The following KCNJ6 variants were observed in gnomAD, a reference collection of about 807,000 sequenced individuals.
KCNJ6 encodes potassium inwardly rectifying channel subfamily J member 6.
KCNJ6 carries 9 observed loss-of-function variants against 34.2 expected under a neutral mutation model. The observed-to-expected ratio is 0.26, with a 90% CI of 0.16 to 0.46. The LOEUF is 0.46. Ranked by LOEUF, KCNJ6 falls within the 20% of genes least tolerant of loss-of-function variation. KCNJ6 has a pLI of 1.00. For missense variants in KCNJ6, 236 were observed against 531.3 expected (o/e 0.44, Z 5.46); for synonymous variants, 196 against 207.1 (o/e 0.95, Z 0.46).
chr21:37,656,602 C>T lies in KCNJ6; in HGVS notation c.947-31118G>A, dbSNP rs1025355330. 2.0e-5 allele frequency among the ~76,000 whole-genome samples: 3 copies of T among 152,342 alleles called. No homozygotes were observed. In the Middle Eastern group the frequency reaches 0.01, roughly 518 times the overall value. On this transcript the variant is annotated intron_variant, in intron 3 of 3. Coordinates refer to ENST00000609713, the MANE Select transcript of KCNJ6 (RefSeq NM_002240.5). Reference sequence around the variant, plus strand: ...CTGCAGCCCTGCAGGGGTGGTGCAGCTGGAGCTGGAGCGGCTGGGGCTGGC... The same window carrying T: ...CTGCAGCCCTGCAGGGGTGGTGCAGTTGGAGCTGGAGCGGCTGGGGCTGGC...
rs1232975724 is a variant in KCNJ6, at chr21:37,677,770, G to GTCCATCCA, written c.946+36433_946+36440dup. Among the ~76,000 whole-genome samples the GTCCATCCA allele has an allele frequency of 2.7e-4, 2 of 7,358 alleles. 1 individual carries two copies. The highest frequency in any genetic ancestry group is 1.3e-3 in the African/African-American group (2 of 1,600). 4.8% of individuals were successfully genotyped at this position (7,358 alleles called of 152,430 possible). ...TACCCACCCACACACCAAACCATTT[G>GTCCATCCA]TCCATCCATCCATCCATCCACCCAC... On this transcript the variant is annotated intron_variant, in intron 3 of 3. Transcript: ENST00000609713.
intron 1 of KCNJ6, among the ~76,000 whole-genome samples, chr21:37,879,714 A>AGTGTAT: frequency 7.0e-6 from 1 of 143,288 alleles, no homozygotes; most frequent in South Asian, 2.3e-4. Context: ...CTTGAAATGA[A>AGTGTAT]GTGTGTGTGT....
chr21:37,790,469 A>C (rs1293548253), intron 2 of KCNJ6, among the ~76,000 whole-genome samples: 2 of 152,186 alleles, frequency 1.3e-5, no homozygotes, highest in African/African-American at 2.4e-5. Flanking sequence ...TAGTTCTCAA[A>C]ATAACCCTAT....
At chr21:37,853,861 T>TATATATATAA (rs940498600) in intron 1 of KCNJ6, among the ~76,000 whole-genome samples, 1 of 146,732 alleles carries the variant, frequency 6.8e-6, no homozygotes, top group Non-Finnish European at 1.5e-5. Flanking sequence ...TATATATATA[T>TATATATATAA]AAATTACATT....
intron 1 of KCNJ6, among the ~76,000 whole-genome samples, chr21:37,860,199 C>T (rs1052059489): frequency 1.2e-4 from 18 of 152,168 alleles, no homozygotes; most frequent in African/African-American, 4.1e-4. Flanking sequence ...TCCTATTTTA[C>T]ACCCAGGTAA....
chr21:37,902,931 A>G (rs766039854), intron 1 of KCNJ6, among the ~76,000 whole-genome samples: 6 of 152,192 alleles, frequency 3.9e-5, no homozygotes, highest in Non-Finnish European at 5.9e-5. Flanking sequence ...TTTTAAAACA[A>G]TGCCAGGGTG....
intron 2 of KCNJ6, among the ~76,000 whole-genome samples, chr21:37,722,966 C>T (rs887105190): frequency 1.1e-4 from 17 of 152,108 alleles, no homozygotes; most frequent in African/African-American, 4.1e-4. Context: ...AGCCTCTGTA[C>T]AGCAAAACAA....
intron 1 of KCNJ6, among the ~76,000 whole-genome samples, chr21:37,900,113 A>G (rs1237051896): frequency 1.3e-5 from 2 of 152,200 alleles, no homozygotes; most frequent in African/African-American, 4.8e-5. Flanking sequence ...TTGAAGGGCA[A>G]TTTAGTGAAA....
intron 2 of KCNJ6, among the ~76,000 whole-genome samples, chr21:37,763,749 T>C (rs1374425228): frequency 1.3e-5 from 2 of 152,182 alleles, no homozygotes; most frequent in African/African-American, 4.8e-5. Context: ...TTCCCACCTA[T>C]GAGTGAGAAC....
chr21:37,801,817 G>A (rs1005358), intron 2 of KCNJ6, among the ~76,000 whole-genome samples: 75,366 of 151,830 alleles, frequency 0.5, 19,129 homozygotes, highest in Middle Eastern at 0.55. Flanking sequence ...AAGGAAGATG[G>A]CATCAAACCA....
chr21:37,735,346 G>A (rs1056246216), intron 2 of KCNJ6, among the ~76,000 whole-genome samples: 1 of 152,164 alleles, frequency 6.6e-6, no homozygotes, highest in Non-Finnish European at 1.5e-5. Flanking sequence ...ACCACCCACG[G>A]CGCTTTCACC....
At chr21:37,692,134 A>G (rs1249170863) in intron 3 of KCNJ6, among the ~76,000 whole-genome samples, 7 of 152,286 alleles carry the variant, frequency 4.6e-5, no homozygotes, top group African/African-American at 1.7e-4. Flanking sequence ...GATGGGCGCA[A>G]CAAACCACCA....
At chr21:37,803,017 G>A (rs780045037) in intron 2 of KCNJ6, among the ~76,000 whole-genome samples, 3 of 152,186 alleles carry the variant, frequency 2.0e-5, no homozygotes, top group African/African-American at 4.8e-5. Flanking sequence ...AGGGCTTTCC[G>A]ACCTGGCATG....
chr21:37,865,433 G>A (rs1021617606), intron 1 of KCNJ6, among the ~76,000 whole-genome samples: 6 of 152,238 alleles, frequency 3.9e-5, no homozygotes, highest in East Asian at 1.9e-4. Flanking sequence ...ATGGGCAGGA[G>A]AGGAAAGGAA....
At chr21:37,810,138 CACACAA>C (rs972676812) in intron 2 of KCNJ6, among the ~76,000 whole-genome samples, 4 of 152,192 alleles carry the variant, frequency 2.6e-5, no homozygotes, top group African/African-American at 7.2e-5. Flanking sequence ...TGCACACACA[CACACAA>C]ACACACAAAA....
chr21:37,752,107 G>A lies in KCNJ6; in HGVS notation c.26-36976C>T, dbSNP rs183177408. Among the ~76,000 whole-genome samples, 18 of 152,326 alleles carry A rather than the reference G, an allele frequency of 1.2e-4. No homozygotes were observed. In the East Asian group the frequency reaches 3.5e-3, roughly 29 times the overall value. On this transcript the variant is annotated intron_variant, in intron 2 of 3. Transcript: ENST00000609713. ...TGATAGCTATGTCACCTAAAGAAGAGCCTTCAGGAATCTTGGATCTGTCGT... is the reference window on the plus strand; with the variant it reads ...TGATAGCTATGTCACCTAAAGAAGAACCTTCAGGAATCTTGGATCTGTCGT...
intron 2 of KCNJ6, among the ~76,000 whole-genome samples, chr21:37,727,345 A>C (rs749027278): frequency 3.9e-5 from 6 of 152,058 alleles, no homozygotes; most frequent in Non-Finnish European, 8.8e-5. Context: ...TCTAAGGCAG[A>C]TTGCAGTGGG....
chr21:37,621,978 T>C lies in KCNJ6; in HGVS notation c.*3181A>G, dbSNP rs962524122. 1.3e-5 allele frequency: 2 copies of C among 152,094 alleles called. No homozygotes were observed. The highest frequency in any genetic ancestry group is 4.8e-5 in the African/African-American group (2 of 41,424). 9.4% of individuals were successfully genotyped at this position (152,094 alleles called of 1,614,324 possible). A position where few individuals can be genotyped will look rare whatever the true frequency, so the allele number is the denominator to read the frequency against. ...GGTGCTCTTCCAGTTGGAGAGCACG[T>C]TGGGGTGGGTGGAGGTGAGAATCCG... On this transcript the variant is annotated 3_prime_UTR_variant, in exon 4 of 4. Transcript: ENST00000609713.
intron 1 of KCNJ6, among the ~76,000 whole-genome samples, chr21:37,856,566 C>T (rs1334424868): frequency 6.6e-6 from 1 of 152,122 alleles, no homozygotes; most frequent in African/African-American, 2.4e-5. Context: ...AGGAGATATA[C>T]ACTCAAATAC....
Sources: allele counts gnomAD v4.1 joint callset (sites outside exome capture counted in the v4.1 genomes callset), GRCh38; gene constraint gnomAD v4.1.1; transcripts MANE v1.5; gene names NCBI Gene and HGNC (gene_info 2026-07-23, HGNC 2026-07-21).